WDR7: variants seen among roughly 807,000 people sequenced by gnomAD.
The protein encoded by WDR7 is WD repeat-containing protein 7.
In WDR7, 46 loss-of-function variants were observed where a neutral mutation model predicts 169.4. That is an observed-to-expected ratio of 0.27 (90% CI 0.21 to 0.35). The LOEUF is 0.35. Ranked by LOEUF, WDR7 falls within the 10% of genes least tolerant of loss-of-function variation. The pLI is 1.00. For synonymous variants in WDR7, 612 were observed against 666.8 expected (o/e 0.92, Z 1.27); for missense variants, 1,534 against 1,859.3 (o/e 0.83, Z 3.22).
intron 12 of WDR7, among the ~76,000 whole-genome samples, chr18:56,705,662 T>C (rs2025933041): frequency 6.6e-6 from 1 of 152,172 alleles, no homozygotes; most frequent in Non-Finnish European, 1.5e-5. Flanking sequence ...TACTTGGATT[T>C]AGGCGGATCC....
intron 26 of WDR7, among the ~76,000 whole-genome samples, chr18:57,019,675 A>G (rs535591823): frequency 1.3e-5 from 2 of 152,276 alleles, no homozygotes; most frequent in African/African-American, 4.8e-5. Context: ...GCATTCAGAT[A>G]TGTAATATGA....
chr18:56,859,844 G>A (rs984809201), intron 20 of WDR7, among the ~76,000 whole-genome samples: 3 of 152,060 alleles, frequency 2.0e-5, no homozygotes, highest in Admixed American at 6.6e-5. Context: ...CGGGTAGTCC[G>A]GCTCTTCACA....
intron 25 of WDR7, among the ~76,000 whole-genome samples, chr18:56,955,596 T>C (rs2047239857): frequency 6.6e-6 from 1 of 152,132 alleles, no homozygotes; most frequent in Admixed American, 6.5e-5. Flanking sequence ...CCTAGGAAAA[T>C]AGCAAATTAA....
chr18:56,771,584 GA>G (rs572892576), intron 16 of WDR7, among the ~76,000 whole-genome samples: 281 of 70,152 alleles, frequency 4.0e-3, no homozygotes, highest in Middle Eastern at 0.024. Flanking sequence ...CCCAAAAAAA[GA>G]AAAAAAAAAA....
intron 20 of WDR7, among the ~76,000 whole-genome samples, chr18:56,843,857 C>CTTT (rs776575088): frequency 3.0e-4 from 40 of 134,330 alleles, no homozygotes; most frequent in Non-Finnish European, 3.2e-4. Context: ...TTTTTTCTTT[C>CTTT]TTTTTTTTTT....
At position 56,916,146 on chromosome 18, in the gene WDR7, C is replaced by T. The variant is rs76404585; in HGVS notation, c.3527-7776C>T. Among the ~76,000 whole-genome samples, 231 of 152,256 alleles carry T rather than the reference C, an allele frequency of 1.5e-3. 1 individual carries two copies. The highest frequency in any genetic ancestry group is 2.9e-3 in the Non-Finnish European group (194 of 68,012). The stretch of plus-strand genomic sequence containing the variant: ...AATTTTTTTTATTATATTTTAAGTT[C>T]TAGGGTACATGTGCACAACGTGCAG... On this transcript the variant is annotated intron_variant, in intron 21 of 27. Coordinates refer to ENST00000254442, the MANE Select transcript of WDR7 (RefSeq NM_015285.3).
At chr18:56,730,014 CATT>C (rs1005327870) in intron 13 of WDR7, among the ~76,000 whole-genome samples, 3 of 152,080 alleles carry the variant, frequency 2.0e-5, no homozygotes, top group Admixed American at 2.0e-4. Context: ...ATTCTTTAAA[CATT>C]ATTTTGTTGG....
chr18:57,026,743 C>T (rs1262025037), intron 27 of WDR7, among the ~76,000 whole-genome samples: 1 of 152,108 alleles, frequency 6.6e-6, no homozygotes. Context: ...ATAATTTAGC[C>T]CTCTTCCTAA....
At chr18:56,956,538 A>G (rs1443168049) in intron 25 of WDR7, among the ~76,000 whole-genome samples, 1 of 152,218 alleles carries the variant, frequency 6.6e-6, no homozygotes, top group Admixed American at 6.5e-5. Flanking sequence ...GCTCTTTGGC[A>G]TCTTGTCCTG....
intron 20 of WDR7, among the ~76,000 whole-genome samples, chr18:56,864,317 T>G (rs969633432): frequency 6.6e-6 from 1 of 151,622 alleles, no homozygotes; most frequent in Non-Finnish European, 1.5e-5. Flanking sequence ...GAAATGTTTA[T>G]ATAATGTCAT....
chr18:56,718,870 C>A (rs2026252536), intron 13 of WDR7, among the ~76,000 whole-genome samples: 1 of 152,004 alleles, frequency 6.6e-6, no homozygotes, highest in African/African-American at 2.4e-5. Context: ...AGATTTTTTC[C>A]TTTTCTTCGT....
chr18:56,974,620 T>C (rs1173856762), intron 26 of WDR7, among the ~76,000 whole-genome samples: 1 of 152,226 alleles, frequency 6.6e-6, no homozygotes, highest in Non-Finnish European at 1.5e-5. Context: ...GCATTGCTCA[T>C]GTGCTAGGCA....
At chr18:56,831,014 G>A (rs1322230343) in intron 20 of WDR7, among the ~76,000 whole-genome samples, 6 of 152,178 alleles carry the variant, frequency 3.9e-5, no homozygotes. Flanking sequence ...TCTGACAGAT[G>A]ACTGCCACTG....
At chr18:56,904,539 C>A (rs1166728418) in intron 21 of WDR7, among the ~76,000 whole-genome samples, 1 of 152,094 alleles carries the variant, frequency 6.6e-6, no homozygotes, top group Non-Finnish European at 1.5e-5. Context: ...TCAAGATACT[C>A]ATGATTTTTT....
At chr18:56,846,481 C>A (rs187765233) in intron 20 of WDR7, among the ~76,000 whole-genome samples, 1 of 152,234 alleles carries the variant, frequency 6.6e-6, no homozygotes, top group East Asian at 1.9e-4. Flanking sequence ...CTTGCTGCCA[C>A]CATGTAAAAA....
chr18:56,687,371 T>G (rs558933818), intron 7 of WDR7, among the ~76,000 whole-genome samples: 1 of 152,340 alleles, frequency 6.6e-6, no homozygotes, highest in African/African-American at 2.4e-5. Flanking sequence ...TCATATCACT[T>G]CAGAGCTAAT....
chr18:56,683,519 A>G (rs994632810), intron 5 of WDR7, among the ~76,000 whole-genome samples: 2 of 152,146 alleles, frequency 1.3e-5, no homozygotes, highest in Admixed American at 6.5e-5. Context: ...AGGCCAGTAA[A>G]TAACCACCAC....
In WDR7 at chr18:56,882,843, T is replaced by G. The variant is rs139534713; in HGVS notation, c.3526+2678T>G. Among the ~76,000 whole-genome samples the G allele has an allele frequency of 2.4e-3, 365 of 152,372 alleles. 1 individual carries two copies. The highest frequency in any genetic ancestry group is 8.3e-3 in the African/African-American group (344 of 41,590). On this transcript the variant is annotated intron_variant, in intron 21 of 27. Transcript: ENST00000254442. ...GTAATTTCTCAACACCATCCTTTTG[T>G]ATTTGATATTTTCCTGCAAGGAGAG...
intron 1 of WDR7, among the ~76,000 whole-genome samples, chr18:56,658,290 GACAGGGTTTC>G (rs2024823453): frequency 6.6e-6 from 1 of 152,022 alleles, no homozygotes; most frequent in South Asian, 2.1e-4. Flanking sequence ...TTTTATTAGA[GACAGGGTTTC>G]ACCATGTTGG....
Sources: gnomAD v4.1 joint callset for allele counts (sites outside exome capture counted in the v4.1 genomes callset) on GRCh38, gnomAD v4.1.1 for gene constraint, MANE v1.5 for transcripts, NCBI Gene and HGNC (gene_info 2026-07-23, HGNC 2026-07-21) for gene names.